MKLN1: variants seen among roughly 807,000 people sequenced by gnomAD.
MKLN1 encodes the protein muskelin 1.
In MKLN1, 18 loss-of-function variants were observed where a neutral mutation model predicts 99.0. The ratio of observed to expected loss-of-function variants is 0.18; its 90% CI spans 0.13 to 0.27. The LOEUF is 0.27. MKLN1 is among the 10% of genes least tolerant of loss of function. MKLN1 has a pLI of 1.00. For missense variants in MKLN1, 621 were observed against 875.9 expected (o/e 0.71, Z 3.67); for synonymous variants, 288 against 293.2 (o/e 0.98, Z 0.18).
chr7:131,431,659 A>G (rs1795525415), intron 9 of MKLN1, among the ~76,000 whole-genome samples: 1 of 152,206 alleles, frequency 6.6e-6, no homozygotes, highest in Admixed American at 6.5e-5. Context: ...GTCCAGAGTC[A>G]GTTGGTGCAG....
intron 3 of MKLN1, among the ~76,000 whole-genome samples, chr7:131,263,350 TAA>T (rs1797761805): frequency 7.8e-6 from 1 of 127,530 alleles, no homozygotes; most frequent in Non-Finnish European, 1.6e-5. Context: ...CAATTATTAA[TAA>T]TAATAATAAT....
Position 131,286,107 on chromosome 7 carries a change from C to T in MKLN1, c.-179+83133C>T, listed in dbSNP as rs192826795. On this transcript the variant is annotated intron_variant, in intron 3 of 7. Coordinates refer to the MKLN1 transcript ENST00000416992. Reference sequence around the variant, plus strand: ...CTGGGATTACAGGCATGCGTTATCACGCCGGACTAATTTTGTATTTTTAGT... The same window carrying T: ...CTGGGATTACAGGCATGCGTTATCATGCCGGACTAATTTTGTATTTTTAGT... 1.3e-3 allele frequency among the ~76,000 whole-genome samples: 198 copies of T among 152,184 alleles called. 1 individual carries two copies. Among genetic ancestry groups the T allele is most frequent in the African/African-American group, 4.4e-3 (183 of 41,538 alleles).
intron 16 of MKLN1, among the ~76,000 whole-genome samples, chr7:131,478,018 C>T (rs1289662651): frequency 6.6e-6 from 1 of 152,140 alleles, no homozygotes; most frequent in Non-Finnish European, 1.5e-5. Context: ...CTGTTTTAAA[C>T]TAACTTTAAC....
intron 1 of MKLN1, among the ~76,000 whole-genome samples, chr7:131,349,573 A>G (rs1799660504): frequency 6.6e-6 from 1 of 152,232 alleles, no homozygotes; most frequent in Non-Finnish European, 1.5e-5. Flanking sequence ...GCAGTAAATC[A>G]TTGCCAGATC....
At chr7:131,366,161 G>T (rs1366853905) in intron 1 of MKLN1, among the ~76,000 whole-genome samples, 3 of 152,100 alleles carry the variant, frequency 2.0e-5, no homozygotes. Context: ...AGTCCTGAGA[G>T]ATTATGTAAT....
In MKLN1 at chr7:131,217,467, G is replaced by A. The variant is rs192093737; in HGVS notation, c.-179+14493G>A. 1.4e-3 allele frequency among the ~76,000 whole-genome samples: 211 copies of A among 152,352 alleles called. 1 individual carries two copies. The highest frequency in any genetic ancestry group is 4.9e-3 in the African/African-American group (204 of 41,582). On this transcript the variant is annotated intron_variant, in intron 3 of 7. Transcript: ENST00000416992. ...AATCCCAACAGTTTGGGAGGCTGAG[G>A]CAGGCAGATCACCTGAGGTCAGGAG...
intron 2 of MKLN1, among the ~76,000 whole-genome samples, chr7:131,189,406 GA>G (rs1796500821): frequency 6.6e-6 from 1 of 152,038 alleles, no homozygotes; most frequent in Admixed American, 6.6e-5. Flanking sequence ...AGCGATGTCA[GA>G]AGACCTCCTT....
chr7:131,463,403 A>T (rs749209225), intron 13 of MKLN1, 39 bp downstream of exon 13: 1 of 1,576,076 alleles, frequency 6.3e-7, no homozygotes, highest in East Asian at 2.2e-5. Context: ...CCAATGTAAT[A>T]ATTATTTGAG....
intron 3 of MKLN1, chr7:131,285,188 G>C (rs2116587482): frequency 6.6e-6 from 1 of 152,520 alleles, no homozygotes; most frequent in South Asian, 2.1e-4. Flanking sequence ...GCACGGCTCT[G>C]GTCTCAGAGG....
intron 3 of MKLN1, among the ~76,000 whole-genome samples, chr7:131,308,114 A>C (rs1395871495): frequency 6.6e-6 from 1 of 151,876 alleles, no homozygotes; most frequent in East Asian, 1.9e-4. Flanking sequence ...CCCTCACTGG[A>C]TCTCTCTCTC....
rs762845979 is a variant in MKLN1, at chr7:131,470,802, C to G, written c.1929-40C>G. 1.4e-5 allele frequency: 18 copies of G among 1,289,616 alleles called. No homozygotes were observed. The South Asian group carries it at 2.0e-4, about 15-fold the overall frequency. 79.9% of individuals were successfully genotyped at this position (1,289,616 alleles called of 1,614,324 possible). A position where few individuals can be genotyped will look rare whatever the true frequency, so the allele number is the denominator to read the frequency against. ...GTCTGAAAGACATTTCTGATATTTT[C>G]TCATAACTCCAGATAATTATCCTTG... On this transcript the variant is annotated intron_variant, in intron 15 of 17. Transcript: ENST00000352689.
Position 131,249,970 on chromosome 7 carries a change from A to G in MKLN1, c.-179+46996A>G, listed in dbSNP as rs570544832. ...AGAGGGGCAGGTCTGCCTTTTGAGG[A>G]CGTTTTCTCAGTGGTTTAATGTGAA... On this transcript the variant is annotated intron_variant, in intron 3 of 7. Transcript: ENST00000416992. Among the ~76,000 whole-genome samples the G allele has an allele frequency of 2.6e-5, 4 of 152,166 alleles. 1 individual carries two copies. Among genetic ancestry groups the G allele is most frequent in the Admixed American group, 6.5e-5 (1 of 15,282 alleles).
intron 3 of MKLN1, among the ~76,000 whole-genome samples, chr7:131,269,447 C>T (rs926585230): frequency 6.6e-6 from 1 of 152,144 alleles, no homozygotes; most frequent in Non-Finnish European, 1.5e-5. Flanking sequence ...TGCATTTATC[C>T]CATTCCTGGG....
chr7:131,333,911 C>CT (rs1178854941), intron 1 of MKLN1, among the ~76,000 whole-genome samples: 1 of 152,138 alleles, frequency 6.6e-6, no homozygotes. Context: ...TATTTTCCTT[C>CT]TATCTGTGTA....
At chr7:131,327,803 C>T (rs892039450), upstream of MKLN1, 4 of 1,471,316 alleles carry the variant, frequency 2.7e-6, no homozygotes, top group African/African-American at 2.9e-5. Flanking sequence ...CGCGGGCGGC[C>T]GGGGAGGGCG....
chr7:131,428,947 G>C lies in MKLN1; in HGVS notation c.848-86G>C, dbSNP rs1162112430. The C allele has an allele frequency of 4.3e-6, 4 of 934,336 alleles. No individual in the cohort carries two copies. In the East Asian group the frequency reaches 9.7e-5, roughly 23 times the overall value. 57.9% of individuals were successfully genotyped at this position (934,336 alleles called of 1,614,324 possible). On this transcript the variant is annotated intron_variant, in intron 8 of 17. Transcript: ENST00000352689. ...AATTTATTTAGATGTAGCTTCTTAA[G>C]TGGCCTTAGAAACAGCTGGCTAGGT...
chr7:131,209,473 C>T (rs1394150291), intron 3 of MKLN1, among the ~76,000 whole-genome samples: 5 of 152,088 alleles, frequency 3.3e-5, no homozygotes, highest in African/African-American at 7.2e-5. Context: ...TGGGACTTTC[C>T]GATGGCTTGT....
At position 131,494,045 on chromosome 7, in the gene MKLN1, G is replaced by GT. The variant is rs1175915150; in HGVS notation, c.*6321dup. The GT allele has an allele frequency of 6.6e-6, 1 of 152,104 alleles. No individual in the cohort carries two copies. Among genetic ancestry groups the GT allele is most frequent in the African/African-American group, 2.4e-5 (1 of 41,418 alleles). 9.4% of individuals were successfully genotyped at this position (152,104 alleles called of 1,614,324 possible). ...CAGTTTAGCTCATGTCATTTGGTTG[G>GT]TTTTATTTTCTAGCCCTTTAACATA... On this transcript the variant is annotated 3_prime_UTR_variant, in exon 18 of 18. Transcript: ENST00000352689.
At chr7:131,200,769 A>C (rs2116407083) in intron 2 of MKLN1, among the ~76,000 whole-genome samples, 1 of 152,378 alleles carries the variant, frequency 6.6e-6, no homozygotes, top group Non-Finnish European at 1.5e-5. Flanking sequence ...TTAGTAAATT[A>C]AATCATATTT....
Sources: gnomAD v4.1 joint callset for allele counts (sites outside exome capture counted in the v4.1 genomes callset) on GRCh38, gnomAD v4.1.1 for gene constraint, MANE v1.5 for transcripts, NCBI Gene and HGNC (gene_info 2026-07-23, HGNC 2026-07-21) for gene names.